Variants in TRPC1 observed in about 807,000 individuals in gnomAD.
TRPC1 encodes short transient receptor potential channel 1.
Under a neutral mutation model 88.2 loss-of-function variants are expected in TRPC1, and 42 were observed. The observed-to-expected ratio is 0.48, with a 90% CI of 0.37 to 0.62. The LOEUF is 0.62. Ranked by LOEUF, TRPC1 falls within the 20% of genes least tolerant of loss-of-function variation. TRPC1 has a pLI of 0.00. For missense variants in TRPC1, 699 were observed against 957.3 expected (o/e 0.73, Z 3.56); for synonymous variants, 288 against 331.8 (o/e 0.87, Z 1.43).
intron 7 of TRPC1, among the ~76,000 whole-genome samples, chr3:142,790,115 G>T (rs545440887): frequency 6.6e-6 from 1 of 152,196 alleles, no homozygotes; most frequent in Non-Finnish European, 1.5e-5. Flanking sequence ...GATGAGCAAA[G>T]ACATGAAAAA....
intron 4 of TRPC1, among the ~76,000 whole-genome samples, chr3:142,762,695 C>A (rs1371660125): frequency 6.6e-6 from 1 of 152,034 alleles, no homozygotes. Flanking sequence ...TCCCAAAGTG[C>A]TGGGATTACA....
intron 4 of TRPC1, among the ~76,000 whole-genome samples, chr3:142,752,765 C>T (rs1180774276): frequency 2.0e-5 from 3 of 152,166 alleles, no homozygotes; most frequent in African/African-American, 7.2e-5. Context: ...GCATTGTGCC[C>T]CTGGTTTATT....
At chr3:142,772,884 G>A (rs1007088531) in intron 4 of TRPC1, among the ~76,000 whole-genome samples, 1 of 152,166 alleles carries the variant, frequency 6.6e-6, no homozygotes, top group African/African-American at 2.4e-5. Flanking sequence ...TATGAGGGTC[G>A]TGAAGGAAGG....
chr3:142,803,154 A>G (rs1936676017), intron 10 of TRPC1, among the ~76,000 whole-genome samples: 1 of 152,212 alleles, frequency 6.6e-6, no homozygotes, highest in Admixed American at 6.5e-5. Flanking sequence ...AAAGACAAAT[A>G]AAGCATGAGC....
intron 5 of TRPC1, among the ~76,000 whole-genome samples, chr3:142,779,156 T>A (rs1190261987): frequency 6.6e-6 from 1 of 152,178 alleles, no homozygotes; most frequent in African/African-American, 2.4e-5. Flanking sequence ...TAAAGTTAGA[T>A]TTGGAAGCGA....
chr3:142,747,369 C>T lies in TRPC1; in HGVS notation c.430-889C>T, dbSNP rs533960674. Among the ~76,000 whole-genome samples, 23 of 152,072 alleles carry T rather than the reference C, an allele frequency of 1.5e-4. No individual in the cohort carries two copies. In the South Asian group the frequency reaches 4.6e-3, roughly 30 times the overall value. On this transcript the variant is annotated intron_variant, in intron 3 of 12. Coordinates refer to ENST00000476941, the MANE Select transcript of TRPC1 (RefSeq NM_001251845.2). ...AAAAAAAAGTAAGTATTAGAAAATACGATAGTTATAAAATAGTCAACCTTT... is the reference window on the plus strand; with the variant it reads ...AAAAAAAAGTAAGTATTAGAAAATATGATAGTTATAAAATAGTCAACCTTT...
chr3:142,748,233 G>C, intron 3 of TRPC1, 25 bp from the exon 4 acceptor site: 1 of 1,573,532 alleles, frequency 6.4e-7, no homozygotes. Flanking sequence ...TAATAACTTT[G>C]GACATTTATA....
intron 1 of TRPC1, among the ~76,000 whole-genome samples, chr3:142,735,531 A>G (rs982839732): frequency 6.6e-6 from 1 of 152,166 alleles, no homozygotes; most frequent in Non-Finnish European, 1.5e-5. Context: ...CTCTTGATTT[A>G]TTCCCCATAT....
Position 142,804,614 on chromosome 3 carries a change from G to A in TRPC1, c.2138G>A (p.Arg713Gln), listed in dbSNP as rs572962710. 8 of 1,602,296 alleles carry A rather than the reference G, an allele frequency of 5.0e-6. No individual in the cohort carries two copies. The highest frequency in any genetic ancestry group is 2.3e-5 in the South Asian group (2 of 88,220). Residue 713 changes from arginine to glutamine, a missense_variant, in exon 12 of 13, where the codon CGG becomes CAG. By Grantham distance (43) the Arg-to-Gln change is conservative. This residue lies in a region of TRPC1 where 105 missense variants were observed against 141.7 expected (regional missense o/e 0.74). Coordinates refer to ENST00000476941, the MANE Select transcript of TRPC1 (RefSeq NM_001251845.2). ...CATACATCAAAAGGCAAGGTCAAACGGCAAAACAGTTTAAAGGTAAGAAAT... is the reference window on the plus strand; with the variant it reads ...CATACATCAAAAGGCAAGGTCAAACAGCAAAACAGTTTAAAGGTAAGAAAT... ...CSHTSKGKVK[R>Q]QNSLKEWRNL...
intron 2 of TRPC1, among the ~76,000 whole-genome samples, chr3:142,736,905 T>A (rs1934158585): frequency 6.6e-6 from 1 of 152,142 alleles, no homozygotes; most frequent in Non-Finnish European, 1.5e-5. Flanking sequence ...GAATAGTTTT[T>A]TTTCTGGCCC....
At chr3:142,777,184 A>G (rs1002514778) in intron 4 of TRPC1, among the ~76,000 whole-genome samples, 6 of 152,032 alleles carry the variant, frequency 3.9e-5, no homozygotes, top group African/African-American at 1.4e-4. Flanking sequence ...AGTGGCATGC[A>G]CCTGTAATCA....
At chr3:142,752,032 T>C (rs2108053088) in intron 4 of TRPC1, among the ~76,000 whole-genome samples, 1 of 152,248 alleles carries the variant, frequency 6.6e-6, no homozygotes, top group South Asian at 2.1e-4. Flanking sequence ...TAAAATCCTT[T>C]ATTAGTATTA....
At chr3:142,769,266 T>G (rs1935497268) in intron 4 of TRPC1, among the ~76,000 whole-genome samples, 1 of 152,214 alleles carries the variant, frequency 6.6e-6, no homozygotes, top group Non-Finnish European at 1.5e-5. Context: ...TTTATCACCT[T>G]ATAAAGAACC....
At chr3:142,766,947 TA>T (rs1486567347) in intron 4 of TRPC1, among the ~76,000 whole-genome samples, 1 of 152,246 alleles carries the variant, frequency 6.6e-6, no homozygotes, top group Non-Finnish European at 1.5e-5. Context: ...GTATGTCCTT[TA>T]AATTTCCAAA....
chr3:142,787,502 GA>G (rs1433286820), intron 7 of TRPC1, among the ~76,000 whole-genome samples: 1 of 152,170 alleles, frequency 6.6e-6, no homozygotes, highest in Non-Finnish European at 1.5e-5. Flanking sequence ...GGTAAAAAGA[GA>G]ATAATTTGTT....
intron 2 of TRPC1, among the ~76,000 whole-genome samples, chr3:142,739,865 A>G (rs1273801095): frequency 6.6e-6 from 1 of 152,096 alleles, no homozygotes; most frequent in East Asian, 1.9e-4. Context: ...AAGAAGGGGG[A>G]AAAGGCAGAT....
chr3:142,758,399 T>C (rs1385362108), intron 4 of TRPC1, among the ~76,000 whole-genome samples: 1 of 152,226 alleles, frequency 6.6e-6, no homozygotes. Context: ...ATGTTGAACA[T>C]TTTTTCATAT....
At chr3:142,780,148 G>A (rs1467766724) in intron 5 of TRPC1, among the ~76,000 whole-genome samples, 1 of 152,000 alleles carries the variant, frequency 6.6e-6, no homozygotes, top group Non-Finnish European at 1.5e-5. Flanking sequence ...GCACCCAGCC[G>A]TAATTGATAT....
rs147577648 is a variant in TRPC1 at position 142,750,299 on chromosome 3, C to A, written c.632+1839C>A. On this transcript the variant is annotated intron_variant, in intron 4 of 12. Transcript: ENST00000476941. Reference sequence around the variant, plus strand: ...CAAAAGAAGACATTTATTCGGCCAACAAACATATGAAAAAAAGCTCATAAT... The same window carrying A: ...CAAAAGAAGACATTTATTCGGCCAAAAAACATATGAAAAAAAGCTCATAAT... Among the ~76,000 whole-genome samples the A allele has an allele frequency of 4.3e-3, 647 of 152,228 alleles. 6 individuals carry two copies. Among genetic ancestry groups the A allele is most frequent in the African/African-American group, 0.014 (602 of 41,540 alleles).
Sources: allele counts gnomAD v4.1 joint callset (sites outside exome capture counted in the v4.1 genomes callset), GRCh38; gene constraint gnomAD v4.1.1; regional missense constraint gnomAD v4.1.1; transcripts MANE v1.5; gene names NCBI Gene and HGNC (gene_info 2026-07-23, HGNC 2026-07-21).